MIER1: variants seen among roughly 807,000 people sequenced by gnomAD.
MIER1 encodes the protein mesoderm induction early response protein 1.
Under a neutral mutation model 75.7 loss-of-function variants are expected in MIER1, and 40 were observed. The observed-to-expected ratio is 0.53, with a 90% confidence interval of 0.41 to 0.69. The LOEUF is 0.69. Among genes scored for constraint, MIER1 ranks in the 30% least tolerant of loss-of-function variants. MIER1 has a pLI of 0.00. For synonymous variants in MIER1, 213 were observed against 223.4 expected, an observed-to-expected ratio of 0.95 and a Z score of 0.42; for missense variants, 574 against 680.2, an observed-to-expected ratio of 0.84 and a Z score of 1.74.
At chr1:66,968,298 C>G (rs530362207) in intron 8 of MIER1, among the ~76,000 whole-genome samples, 2 of 152,214 alleles carry the variant, frequency 1.3e-5, no homozygotes, top group Admixed American at 1.3e-4. Context: ...ATACCCTATA[C>G]CATAAACCAA....
chr1:66,927,570 T>G (rs1652135007), intron 2 of MIER1, among the ~76,000 whole-genome samples: 1 of 152,136 alleles, frequency 6.6e-6, no homozygotes, highest in Non-Finnish European at 1.5e-5. Flanking sequence ...TTAACCCAAG[T>G]ATAAATATTA....
At chr1:66,978,567 GCA>G (rs1382118177) in intron 12 of MIER1, among the ~76,000 whole-genome samples, 1 of 152,074 alleles carries the variant, frequency 6.6e-6, no homozygotes, top group Non-Finnish European at 1.5e-5. Flanking sequence ...ATTAGATACA[GCA>G]TCTAGTCTGC....
At position 66,987,659 on chromosome 1, in the gene MIER1, T is replaced by TAAAC. The variant is rs1666945266; in HGVS notation, c.*2761_*2764dup. The TAAAC allele has an allele frequency of 6.5e-6, 1 of 152,802 alleles. No individual in the cohort carries two copies. Among genetic ancestry groups the TAAAC allele is most frequent in the East Asian group, 1.9e-4 (1 of 5,252 alleles). 9.5% of individuals were successfully genotyped at this position (152,802 alleles called of 1,614,324 possible). ...GAATATGCTTATTAAAATATTTTTTTAAACATATTTGCCTACATAATACTG... is the reference window on the plus strand; with the variant it reads ...GAATATGCTTATTAAAATATTTTTTTAAACAAACATATTTGCCTACATAATACTG... On this transcript the variant is annotated 3_prime_UTR_variant, in exon 14 of 14. Transcript: ENST00000401041.
intron 11 of MIER1, among the ~76,000 whole-genome samples, chr1:66,974,096 A>T (rs935053005): frequency 4.6e-5 from 7 of 151,390 alleles, no homozygotes. Flanking sequence ...TCTTATTTTT[A>T]TTATTTTTTT....
rs755690935 is a variant in MIER1 at position 66,959,787 on chromosome 1, T to C, written c.699+44T>C. ...TCCCAAAATTTAGATAAATTAATAT[T>C]TTTTTAAAAAGCCTCGTGTAATTAT... On this transcript the variant is annotated intron_variant, in intron 7 of 13. Transcript: ENST00000401041. 47 of 998,902 alleles carry C rather than the reference T, an allele frequency of 4.7e-5. 1 individual carries two copies. In the South Asian group the frequency reaches 9.0e-4, roughly 19 times the overall value. The allele number at this position is 998,902 out of a possible 1,614,324, so 61.9% of individuals were successfully genotyped here. A position where few individuals can be genotyped will look rare whatever the true frequency, so the allele number is the denominator to read the frequency against.
chr1:66,960,981 T>G (rs887783765), intron 7 of MIER1, among the ~76,000 whole-genome samples: 2 of 152,180 alleles, frequency 1.3e-5, no homozygotes, highest in Non-Finnish European at 2.9e-5. Context: ...GTAGAGTATT[T>G]GATTAAGCAT....
chr1:66,945,641 T>C (rs1211593207), intron 3 of MIER1, among the ~76,000 whole-genome samples: 5 of 152,248 alleles, frequency 3.3e-5, no homozygotes, highest in African/African-American at 9.6e-5. Flanking sequence ...GCAGGATGAT[T>C]GCTTGAGCCT....
At chr1:66,930,325 A>G in intron 2 of MIER1, 2 of 1,592,784 alleles carry the variant, frequency 1.3e-6, no homozygotes, top group South Asian at 2.2e-5. Context: ...GCTGAGTCTC[A>G]CATCCGGGTT....
intron 12 of MIER1, among the ~76,000 whole-genome samples, chr1:66,979,846 C>T (rs1206914949): frequency 6.6e-6 from 1 of 151,854 alleles, no homozygotes; most frequent in Non-Finnish European, 1.5e-5. Context: ...CTCACTGCAA[C>T]CTCCACCGCC....
intron 2 of MIER1, 64 bp from the exon 3 acceptor site, chr1:66,939,964 G>C: frequency 7.8e-7 from 1 of 1,274,702 alleles, no homozygotes; most frequent in Non-Finnish European, 1.1e-6. Context: ...GAATAATTTC[G>C]GTAATGTTTG....
chr1:66,947,024 T>C (rs983580016), intron 4 of MIER1: 3 of 984,664 alleles, frequency 3.0e-6, no homozygotes, highest in Non-Finnish European at 3.6e-6. Context: ...GGATCAGTGC[T>C]CCTCAAAATG....
At chr1:66,944,004 C>G (rs1180432047) in intron 3 of MIER1, among the ~76,000 whole-genome samples, 1 of 145,324 alleles carries the variant, frequency 6.9e-6, no homozygotes, top group Non-Finnish European at 1.5e-5. Flanking sequence ...TTTTTTTTTC[C>G]TCTTTAAATG....
Position 66,971,721 on chromosome 1 carries a change from G to A in MIER1, c.991G>A (p.Val331Ile). The change falls in exon 10 of 14, where the codon GTA becomes ATA. Residue 331 changes from valine (V) to isoleucine (I), a missense_variant. Transcript: ENST00000401041. ...EEALRRLRFN[V>I]KAAREELSVW... ...AGCATTGAGAAGATTAAGATTTAATGTAAAAGCAGCTAGAGGTAAGTATAG... is the reference window on the plus strand; with the variant it reads ...AGCATTGAGAAGATTAAGATTTAATATAAAAGCAGCTAGAGGTAAGTATAG... 3 of 1,491,218 alleles carry A rather than the reference G, an allele frequency of 2.0e-6. No individual in the cohort carries two copies. Among genetic ancestry groups the A allele is most frequent in the Non-Finnish European group, 1.9e-6 (2 of 1,080,420 alleles). The allele number at this position is 1,491,218 out of a possible 1,614,324, so 92.4% of individuals were successfully genotyped here.
intron 1 of MIER1, chr1:66,925,349 G>A (rs573528306): frequency 1.0e-6 from 1 of 985,430 alleles, no homozygotes. Flanking sequence ...TTGCCTTCGC[G>A]GTGGTGGCGC....
intron 4 of MIER1, among the ~76,000 whole-genome samples, chr1:66,952,020 A>T (rs976323602): frequency 1.3e-5 from 2 of 152,232 alleles, no homozygotes; most frequent in African/African-American, 4.8e-5. Flanking sequence ...TACAAGAATA[A>T]TATATCTAAA....
At position 66,985,313 on chromosome 1, in the gene MIER1, T is replaced by A. The variant is rs1666638875; in HGVS notation, c.*413T>A. 4.1e-6 allele frequency: 4 copies of A among 985,650 alleles called. No homozygotes were observed. Among genetic ancestry groups the A allele is most frequent in the Middle Eastern group, 5.2e-4 (1 of 1,914 alleles). The allele number at this position is 985,650 out of a possible 1,614,324, so 61.1% of individuals were successfully genotyped here. On this transcript the variant is annotated 3_prime_UTR_variant, in exon 14 of 14. Transcript: ENST00000401041. ...TGAATGGGAAACTCAAGTCCAAATT[T>A]CTGCTTAATACCAATTTCTCTGAGT...
chr1:66,972,908 G>A lies in MIER1; in HGVS notation c.1018G>A (p.Val340Ile). 6.3e-7 allele frequency: 1 copy of A among 1,590,320 alleles called. No homozygotes were observed. ...TCCCATCTTGTCAGAGGAATTATCT[G>A]TTTGGACAGAGGAAGAGTGTAGAAA... The part of the protein sequence containing the change: ...NVKAAREELS[V>I]WTEEECRNFE... Residue 340 changes from valine (V) to isoleucine (I), a missense_variant, in exon 11 of 14, where the codon GTT becomes ATT. This residue lies in a region of MIER1 where 101 missense variants were observed against 173.1 expected (regional missense o/e 0.58). Transcript: ENST00000401041.
intron 11 of MIER1, among the ~76,000 whole-genome samples, chr1:66,975,657 T>A (rs1043922603): frequency 1.3e-5 from 2 of 152,182 alleles, no homozygotes; most frequent in Admixed American, 1.3e-4. Context: ...CAAAAAGGAA[T>A]TCTGTCAGCA....
At position 66,984,707 on chromosome 1, in the gene MIER1, A is replaced by C; in HGVS notation, c.1505A>C (p.Asp502Ala). The C allele has an allele frequency of 6.2e-7, 1 of 1,614,052 alleles. No homozygotes were observed. The highest frequency in any genetic ancestry group is 1.1e-5 in the South Asian group (1 of 91,082). ...ADMDTNGYET[D>A]NLTTDPKLAH... ...ATGGATACTAATGGTTATGAAACAG[A>C]TAACCTTACCACTGACCCAAAACTT... The change falls in exon 14 of 14, where the codon GAT (aspartate) becomes GCT (alanine). Residue 502 changes from aspartate (D) to alanine (A), a missense_variant. Physicochemically the swap from Asp to Ala is moderately radical, Grantham distance 126. Around this residue, in one of 3 missense-constraint regions of MIER1, gnomAD observed 164 missense variants for 154.3 expected, o/e 1.06. Coordinates refer to ENST00000401041, the MANE Select transcript of MIER1 (RefSeq NM_001077700.3).
Sources: allele counts gnomAD v4.1 joint callset (sites outside exome capture counted in the v4.1 genomes callset), GRCh38; gene constraint gnomAD v4.1.1; regional missense constraint gnomAD v4.1.1; transcripts MANE v1.5; gene names NCBI Gene and HGNC (gene_info 2026-07-23, HGNC 2026-07-21).